The following RANBP10 variants were observed in gnomAD, a reference collection of about 807,000 sequenced individuals.
The protein encoded by RANBP10 is ran-binding protein 10.
RANBP10 carries 24 observed loss-of-function variants against 72.8 expected under a neutral mutation model. The observed-to-expected ratio is 0.33, with a 90% CI of 0.24 to 0.46. The LOEUF is 0.46. Ranked by LOEUF, RANBP10 falls within the 20% of genes least tolerant of loss-of-function variation. RANBP10 has a pLI of 1.00. For synonymous variants in RANBP10, 310 were observed against 322.3 expected, an observed-to-expected ratio of 0.96 and a Z score of 0.41; for missense variants, 679 against 817.5, an observed-to-expected ratio of 0.83 and a Z score of 2.07.
chr16:67,777,339 A>G (rs1282437423), intron 2 of RANBP10, among the ~76,000 whole-genome samples: 2 of 151,976 alleles, frequency 1.3e-5, no homozygotes, highest in African/African-American at 4.8e-5. Context: ...GATTGAGACC[A>G]TCCTGACTAA....
At chr16:67,804,399 C>CT (rs944906909) in intron 2 of RANBP10, among the ~76,000 whole-genome samples, 86 of 148,516 alleles carry the variant, frequency 5.8e-4, no homozygotes, top group Non-Finnish European at 9.7e-4. Context: ...CTAATGCTGA[C>CT]TTTTTTTTTT....
rs2053701174 is a variant in RANBP10, at chr16:67,730,278, T to C, written c.890-232A>G. Among the ~76,000 whole-genome samples the C allele has an allele frequency of 6.6e-6, 1 of 152,080 alleles. No homozygotes were observed. On this transcript the variant is annotated intron_variant, in intron 7 of 13. Transcript: ENST00000317506. The surrounding 1 kb of genome is among the most constrained non-coding windows in gnomAD (Gnocchi z 4.3). ...AATATGGGGAAGATGGAGGGGAGAC[T>C]CTCAGCCCAAAGGCAGGAGGGTAAA...
intron 4 of RANBP10, chr16:67,738,941 T>C (rs2053913092): frequency 6.6e-6 from 1 of 151,822 alleles, no homozygotes; most frequent in Non-Finnish European, 1.5e-5. Flanking sequence ...TTAACACATA[T>C]TTATGGAAAC....
intron 2 of RANBP10, among the ~76,000 whole-genome samples, chr16:67,797,660 A>G (rs2055157420): frequency 1.3e-5 from 2 of 151,978 alleles, no homozygotes; most frequent in South Asian, 4.2e-4. Flanking sequence ...AAATACCAAA[A>G]TTAGCCAGGT....
rs1315297364 is a variant in RANBP10 at position 67,724,087 on chromosome 16, T to C, written c.*2341A>G. 1 of 152,734 alleles carries C rather than the reference T, an allele frequency of 6.5e-6. No homozygotes were observed. The highest frequency in any genetic ancestry group is 1.5e-5 in the Non-Finnish European group (1 of 68,256). The allele number at this position is 152,734 out of a possible 1,614,324, so 9.5% of individuals were successfully genotyped here. ...CGAGCCAGGCAGACACCCAACCCCA[T>C]GCAGCACACAGCTGTCCCGAGCCCT... On this transcript the variant is annotated 3_prime_UTR_variant, in exon 14 of 14. Transcript: ENST00000317506.
At chr16:67,772,162 A>AT (rs1338235328) in intron 2 of RANBP10, 76 bp from the exon 3 acceptor site, 7 of 1,484,256 alleles carry the variant, frequency 4.7e-6, no homozygotes, top group Non-Finnish European at 6.4e-6. Context: ...TCAAACATTT[A>AT]TTGGTAAAAG....
intron 3 of RANBP10, among the ~76,000 whole-genome samples, chr16:67,769,240 T>C (rs1392534902): frequency 6.6e-6 from 1 of 150,560 alleles, no homozygotes; most frequent in Non-Finnish European, 1.5e-5. Context: ...TCAGGAGTTC[T>C]AGACGAGTCT....
At chr16:67,752,852 G>T (rs2054221525) in intron 3 of RANBP10, among the ~76,000 whole-genome samples, 1 of 151,976 alleles carries the variant, frequency 6.6e-6, no homozygotes, top group African/African-American at 2.4e-5. Flanking sequence ...TTGCAAAGTG[G>T]GAGTAGGAAG....
At chr16:67,764,592 T>G (rs1184381688) in intron 3 of RANBP10, among the ~76,000 whole-genome samples, 2 of 152,214 alleles carry the variant, frequency 1.3e-5, no homozygotes, top group African/African-American at 2.4e-5. Context: ...AGACACCAAG[T>G]CCAGCTGAAT....
At chr16:67,733,011 G>T (rs985042198) in intron 6 of RANBP10, among the ~76,000 whole-genome samples, 1 of 137,662 alleles carries the variant, frequency 7.3e-6, no homozygotes, top group East Asian at 2.1e-4. Flanking sequence ...CCGAGATTGC[G>T]CCACTGCACT....
chr16:67,794,367 G>A (rs559229084), intron 2 of RANBP10, among the ~76,000 whole-genome samples: 4 of 151,798 alleles, frequency 2.6e-5, no homozygotes, highest in African/African-American at 7.2e-5. Context: ...AACTCAGGGG[G>A]CGGAGGTTGG....
intron 2 of RANBP10, among the ~76,000 whole-genome samples, chr16:67,796,406 C>T (rs570318280): frequency 1.3e-5 from 2 of 152,244 alleles, no homozygotes; most frequent in South Asian, 4.1e-4. Flanking sequence ...TCAGCTCTGC[C>T]TTGGGACTCT....
chr16:67,785,377 C>T (rs1284782908), intron 2 of RANBP10, among the ~76,000 whole-genome samples: 1 of 151,762 alleles, frequency 6.6e-6, no homozygotes, highest in Non-Finnish European at 1.5e-5. Flanking sequence ...AGAGATGATA[C>T]AAAAAGGATG....
chr16:67,788,159 C>A (rs2054950673), intron 2 of RANBP10, among the ~76,000 whole-genome samples: 1 of 151,500 alleles, frequency 6.6e-6, no homozygotes, highest in African/African-American at 2.4e-5. Flanking sequence ...CTTGCTTCAG[C>A]CTCTCAAGTA....
In RANBP10 at chr16:67,731,667, C is replaced by T. The variant is rs2053736049; in HGVS notation, c.777-83G>A. The T allele has an allele frequency of 6.1e-6, 6 of 978,692 alleles. No homozygotes were observed. In the Admixed American group the frequency reaches 1.4e-4, roughly 24 times the overall value. The allele number at this position is 978,692 out of a possible 1,614,324, so 60.6% of individuals were successfully genotyped here. ...CCAATGGACTCAGGACAGATTACCTCCCCCAGAGGTCTCCCTAAACACGTC... is the reference window on the plus strand; with the variant it reads ...CCAATGGACTCAGGACAGATTACCTTCCCCAGAGGTCTCCCTAAACACGTC... On this transcript the variant is annotated intron_variant, in intron 6 of 13. Coordinates refer to ENST00000317506, the MANE Select transcript of RANBP10 (RefSeq NM_020850.3).
In RANBP10 at chr16:67,758,550, T is replaced by C. The variant is rs138399971; in HGVS notation, c.400+13484A>G. ...TCCCAGGGTCTCGGGATACAGATCC[T>C]CTGCTGGCACTAGGAAGGCAGGGGA... On this transcript the variant is annotated intron_variant, in intron 3 of 13. Coordinates refer to ENST00000317506, the MANE Select transcript of RANBP10 (RefSeq NM_020850.3). Among the ~76,000 whole-genome samples the C allele has an allele frequency of 9.5e-4, 145 of 152,266 alleles. 4 individuals carry two copies. In the East Asian group the frequency reaches 0.026, roughly 27 times the overall value.
Position 67,726,166 on chromosome 16 carries a change from A to C in RANBP10, c.*262T>G, listed in dbSNP as rs2053593770. ...CTCCTCAAAACAAAACCCCCCTTTC[A>C]AAATAGAAGGCGCTACATGAGAGTA... On this transcript the variant is annotated 3_prime_UTR_variant, in exon 14 of 14. Coordinates refer to ENST00000317506, the MANE Select transcript of RANBP10 (RefSeq NM_020850.3). The C allele has an allele frequency of 2.5e-6, 1 of 406,520 alleles. No individual in the cohort carries two copies. The highest frequency in any genetic ancestry group is 2.1e-5 in the African/African-American group (1 of 48,108). The allele number at this position is 406,520 out of a possible 1,614,324, so 25.2% of individuals were successfully genotyped here. A position where few individuals can be genotyped will look rare whatever the true frequency, so the allele number is the denominator to read the frequency against.
At position 67,772,000 on chromosome 16, in the gene RANBP10, A is replaced by G. The variant is rs373193555; in HGVS notation, c.400+34T>C. 8 of 1,596,984 alleles carry G rather than the reference A, an allele frequency of 5.0e-6. No homozygotes were observed. In the African/African-American group the frequency reaches 8.2e-5, roughly 16 times the overall value. On this transcript the variant is annotated intron_variant, in intron 3 of 13. Transcript: ENST00000317506. The stretch of plus-strand genomic sequence containing the variant: ...CTCTCAACCCCAATTGGATCAGGAG[A>G]GCAGAACAAATGTTCTCTTAAACAG...
chr16:67,752,290 G>C (rs781741730), intron 3 of RANBP10, among the ~76,000 whole-genome samples: 26 of 152,222 alleles, frequency 1.7e-4, no homozygotes, highest in Non-Finnish European at 2.2e-4. Context: ...GTAATCACAG[G>C]GTTCTTTATG....
Sources: gnomAD v4.1 joint callset for allele counts (sites outside exome capture counted in the v4.1 genomes callset) on GRCh38, gnomAD v4.1.1 for gene constraint, Gnocchi (gnomAD v3.1) non-coding constraint, MANE v1.5 for transcripts, NCBI Gene and HGNC (gene_info 2026-07-23, HGNC 2026-07-21) for gene names.